MAMDC2: variants seen among roughly 807,000 people sequenced by gnomAD.
MAMDC2 encodes MAM domain containing 2, also known as MAM domain-containing protein 2.
Under a neutral mutation model 89.8 loss-of-function variants are expected in MAMDC2, and 57 were observed. That is an observed-to-expected ratio of 0.63 (90% CI 0.51 to 0.79). The LOEUF (loss-of-function observed/expected upper bound fraction) is 0.79. Among genes scored for constraint, MAMDC2 ranks in the 30% least tolerant of loss-of-function variants. The pLI is 0.00. For missense variants in MAMDC2, 800 were observed against 820.6 expected (o/e 0.97, Z 0.31); for synonymous variants, 313 against 293.4 (o/e 1.07, Z -0.68).
chr9:70,198,171 T>TATAC (rs2118620570), intron 11 of MAMDC2, among the ~76,000 whole-genome samples: 1 of 30,116 alleles, frequency 3.3e-5, no homozygotes, highest in South Asian at 2.1e-3. Flanking sequence ...TATATATATA[T>TATAC]ATATATATAT....
chr9:70,140,341 T>C (rs1451859149), intron 8 of MAMDC2, 53 bp downstream of exon 8: 4 of 1,522,454 alleles, frequency 2.6e-6, no homozygotes, highest in South Asian at 2.7e-5. Flanking sequence ...GTGAGCTTTA[T>C]TGGCCATTCC....
At position 70,058,601 on chromosome 9, in the gene MAMDC2, A is replaced by G. The variant is rs556424778; in HGVS notation, c.148+13904A>G. On this transcript the variant is annotated intron_variant, in intron 2 of 13. Coordinates refer to ENST00000377182, the MANE Select transcript of MAMDC2 (RefSeq NM_153267.5). ...ACAGGTGAGGCAGACAGAAGCCTGCAGGTCTTCAAGATCCTAGGCAGCAGG... is the reference window on the plus strand; with the variant it reads ...ACAGGTGAGGCAGACAGAAGCCTGCGGGTCTTCAAGATCCTAGGCAGCAGG... Among the ~76,000 whole-genome samples the G allele has an allele frequency of 3.3e-5, 5 of 152,288 alleles. No individual in the cohort carries two copies. In the South Asian group the frequency reaches 1.0e-3, roughly 32 times the overall value.
chr9:70,164,317 G>A (rs1376938850), intron 9 of MAMDC2, among the ~76,000 whole-genome samples: 1 of 152,166 alleles, frequency 6.6e-6, no homozygotes, highest in Admixed American at 6.5e-5. Context: ...TGTATTTTTA[G>A]TATAGTAGAG....
chr9:70,085,387 C>A (rs900641682), intron 2 of MAMDC2, among the ~76,000 whole-genome samples: 6 of 152,004 alleles, frequency 3.9e-5, no homozygotes, highest in African/African-American at 9.7e-5. Flanking sequence ...AGATTAGATT[C>A]TTTACTTCTT....
chr9:70,043,871 G>T lies in MAMDC2; in HGVS notation c.-327G>T, dbSNP rs1437212555. 7 of 415,000 alleles carry T rather than the reference G, an allele frequency of 1.7e-5. No homozygotes were observed. The highest frequency in any genetic ancestry group is 2.6e-5 in the Non-Finnish European group (6 of 230,588). The allele number at this position is 415,000 out of a possible 1,614,324, so 25.7% of individuals were successfully genotyped here. ...CCGACCTCTCCTCTCCCAGCCAGTC[G>T]TGGCTGGCCTTTCAAAGTGTGCAGT... On this transcript the variant is annotated 5_prime_UTR_variant, in exon 1 of 14. Coordinates refer to ENST00000377182, the MANE Select transcript of MAMDC2 (RefSeq NM_153267.5).
intron 11 of MAMDC2, among the ~76,000 whole-genome samples, chr9:70,193,511 C>A (rs1354387672): frequency 6.6e-6 from 1 of 152,082 alleles, no homozygotes; most frequent in Non-Finnish European, 1.5e-5. Context: ...ACAATTTAAG[C>A]AATGATCATA....
At chr9:70,117,538 A>G (rs765706811) in intron 5 of MAMDC2, among the ~76,000 whole-genome samples, 10 of 152,176 alleles carry the variant, frequency 6.6e-5, no homozygotes, top group Non-Finnish European at 1.3e-4. Context: ...GCAAACCACC[A>G]TGGCACATGT....
intron 5 of MAMDC2, among the ~76,000 whole-genome samples, chr9:70,125,152 A>G (rs573240838): frequency 3.9e-5 from 6 of 152,394 alleles, no homozygotes; most frequent in African/African-American, 1.4e-4. Flanking sequence ...GAATTCAGAA[A>G]AAATTGCTAA....
chr9:70,048,207 T>A lies in MAMDC2; in HGVS notation c.148+3510T>A, dbSNP rs564231763. 4.0e-4 allele frequency among the ~76,000 whole-genome samples: 61 copies of A among 152,340 alleles called. No individual in the cohort carries two copies. In the South Asian group the frequency reaches 0.013, roughly 32 times the overall value. ...CAAGGGAAGTGATACTATGTCAGAC[T>A]CAAATTTGAACTCACTTCTAAATCT... On this transcript the variant is annotated intron_variant, in intron 2 of 13. Transcript: ENST00000377182.
At chr9:70,103,019 GA>G (rs1225300990) in intron 2 of MAMDC2, among the ~76,000 whole-genome samples, 5 of 152,158 alleles carry the variant, frequency 3.3e-5, no homozygotes, top group Non-Finnish European at 7.3e-5. Flanking sequence ...TAAAAGATGA[GA>G]AAAGGGAGTA....
At chr9:70,054,231 G>A (rs1037951513) in intron 2 of MAMDC2, among the ~76,000 whole-genome samples, 6 of 152,094 alleles carry the variant, frequency 3.9e-5, no homozygotes, top group Non-Finnish European at 8.8e-5. Context: ...TTAAAATTAC[G>A]AGCAGAGATG....
chr9:70,134,599 C>T (rs940073133), intron 7 of MAMDC2, among the ~76,000 whole-genome samples: 2 of 152,152 alleles, frequency 1.3e-5, no homozygotes, highest in Non-Finnish European at 2.9e-5. Flanking sequence ...CTCATGGGAA[C>T]GCCTCTCAGA....
At position 70,146,528 on chromosome 9, in the gene MAMDC2, C is replaced by G. The variant is rs149726376; in HGVS notation, c.1404+2709C>G. ...TGGGTAAGCAGGAAACTAAAGTTCACTTACTTATATAACATATACAGGTAG... is the reference window on the plus strand; with the variant it reads ...TGGGTAAGCAGGAAACTAAAGTTCAGTTACTTATATAACATATACAGGTAG... On this transcript the variant is annotated intron_variant, in intron 9 of 13. Transcript: ENST00000377182. 3.7e-3 allele frequency among the ~76,000 whole-genome samples: 562 copies of G among 152,244 alleles called. 2 individuals carry two copies. Among genetic ancestry groups the G allele is most frequent in the African/African-American group, 0.012 (519 of 41,538 alleles).
chr9:70,055,125 A>C lies in MAMDC2; in HGVS notation c.148+10428A>C, dbSNP rs559590385. 9.1e-4 allele frequency among the ~76,000 whole-genome samples: 139 copies of C among 152,328 alleles called. 1 individual carries two copies. Among genetic ancestry groups the C allele is most frequent in the Non-Finnish European group, 1.7e-3 (118 of 68,026 alleles). On this transcript the variant is annotated intron_variant, in intron 2 of 13. Coordinates refer to ENST00000377182, the MANE Select transcript of MAMDC2 (RefSeq NM_153267.5). Reference sequence around the variant, plus strand: ...AATGTTTTAGGTCTATGGGAATGTTACTGTATAATATATTCTATTTCTGTT... The same window carrying C: ...AATGTTTTAGGTCTATGGGAATGTTCCTGTATAATATATTCTATTTCTGTT...
In MAMDC2 at chr9:70,143,820, G is replaced by A; in HGVS notation, c.1404+1G>A. On this transcript the variant is annotated splice_donor_variant, in intron 9 of 13. Coordinates refer to ENST00000377182, the MANE Select transcript of MAMDC2 (RefSeq NM_153267.5). LOFTEE classifies it high-confidence loss of function. Reference sequence around the variant, plus strand: ...CTTTAAGAAGCCCATGCCTACCAAGGTACAGCAGAGCCAATTTCTCCTGTG... The same window carrying A: ...CTTTAAGAAGCCCATGCCTACCAAGATACAGCAGAGCCAATTTCTCCTGTG... 6.2e-7 allele frequency: 1 copy of A among 1,612,370 alleles called. No homozygotes were observed. Among genetic ancestry groups the A allele is most frequent in the Non-Finnish European group, 8.5e-7 (1 of 1,178,870 alleles).
In MAMDC2 at chr9:70,170,626, G is replaced by T; in HGVS notation, c.1646G>T (p.Gly549Val). The T allele has an allele frequency of 6.3e-7, 1 of 1,592,902 alleles. No individual in the cohort carries two copies. Among genetic ancestry groups the T allele is most frequent in the Non-Finnish European group, 8.5e-7 (1 of 1,172,404 alleles). The change falls in exon 11 of 14, where the codon GGG becomes GTG. Residue 549 changes from glycine to valine, a missense_variant. Gly to Val is a moderately radical substitution (Grantham distance 109). Coordinates refer to ENST00000377182, the MANE Select transcript of MAMDC2 (RefSeq NM_153267.5). ...YTGPKGDHTT[G>V]VGYYMYIEAS... is the part of the protein sequence containing the mutation. ...GGACCAAAGGGAGATCACACTACTG[G>T]GGTAGGTGAGTTATGCCACGTGGTG...
intron 11 of MAMDC2, among the ~76,000 whole-genome samples, chr9:70,201,645 T>C (rs1338908790): frequency 4.1e-5 from 3 of 73,924 alleles, no homozygotes; most frequent in African/African-American, 2.0e-4. Context: ...TTCCTCCTTG[T>C]ACCTCTGGTA....
intron 2 of MAMDC2, among the ~76,000 whole-genome samples, chr9:70,095,489 G>A (rs1828007058): frequency 6.6e-6 from 1 of 152,162 alleles, no homozygotes; most frequent in African/African-American, 2.4e-5. Context: ...AATTTTGGAG[G>A]GAGATGGAGG....
intron 11 of MAMDC2, among the ~76,000 whole-genome samples, chr9:70,190,371 T>G (rs974897172): frequency 6.6e-6 from 1 of 152,176 alleles, no homozygotes; most frequent in African/African-American, 2.4e-5. Flanking sequence ...GTCAACTAAT[T>G]ATTGAACAGA....
Sources: allele counts gnomAD v4.1 joint callset (sites outside exome capture counted in the v4.1 genomes callset), GRCh38; gene constraint gnomAD v4.1.1; transcripts MANE v1.5; gene names NCBI Gene and HGNC (gene_info 2026-07-23, HGNC 2026-07-21).